KAZN: variants seen among roughly 807,000 people sequenced by gnomAD.
KAZN encodes kazrin, periplakin interacting protein, also known as kazrin.
In KAZN, 40 loss-of-function variants were observed where a neutral mutation model predicts 87.4. The observed-to-expected ratio is 0.46, with a 90% CI of 0.36 to 0.60. KAZN has a LOEUF of 0.60. Ranked by LOEUF, KAZN falls within the 20% of genes least tolerant of loss-of-function variation. The pLI, the probability that KAZN is intolerant of heterozygous loss-of-function variation, is 0.00. For missense variants in KAZN, 898 were observed against 1,073.9 expected, an observed-to-expected ratio of 0.84 and a Z score of 2.29; for synonymous variants, 466 against 458.3, an observed-to-expected ratio of 1.02 and a Z score of -0.22.
chr1:14,270,013 G>T (rs1651792883), intron 2 of KAZN, among the ~76,000 whole-genome samples: 1 of 152,130 alleles, frequency 6.6e-6, no homozygotes, highest in South Asian at 2.1e-4. Context: ...CATAGTGCCT[G>T]CACCTGCTCC....
chr1:14,049,195 C>G (rs1187812274), intron 1 of KAZN, among the ~76,000 whole-genome samples: 1 of 152,112 alleles, frequency 6.6e-6, no homozygotes, highest in Non-Finnish European at 1.5e-5. Context: ...AACCATCATT[C>G]TCAGCAAACT....
chr1:14,423,587 T>C (rs1198356704), intron 2 of KAZN, among the ~76,000 whole-genome samples: 1 of 152,134 alleles, frequency 6.6e-6, no homozygotes, highest in Non-Finnish European at 1.5e-5. Context: ...GAGGATGCCA[T>C]GTATTGAGCA....
chr1:14,917,150 A>G (rs1467946443), intron 1 of KAZN, among the ~76,000 whole-genome samples: 1 of 152,174 alleles, frequency 6.6e-6, no homozygotes, highest in African/African-American at 2.4e-5. Context: ...GAGCCCATGA[A>G]AGGCCCACAG....
At chr1:15,100,094 T>TCA in intron 10 of KAZN, among the ~76,000 whole-genome samples, 1 of 152,138 alleles carries the variant, frequency 6.6e-6, no homozygotes, top group African/African-American at 2.4e-5. Flanking sequence ...AGCTCAGAGC[T>TCA]TAGCTGCTCA....
chr1:14,229,980 C>T (rs763070129), intron 2 of KAZN, among the ~76,000 whole-genome samples: 1 of 152,240 alleles, frequency 6.6e-6, no homozygotes, highest in Non-Finnish European at 1.5e-5. Flanking sequence ...GACCCACGTT[C>T]TCCGAGAGAA....
At chr1:14,267,193 A>C (rs556240270) in intron 2 of KAZN, among the ~76,000 whole-genome samples, 233 of 152,106 alleles carry the variant, frequency 1.5e-3, no homozygotes, top group Non-Finnish European at 2.6e-3. Context: ...AATTTTAAAA[A>C]TACAGTGTAA....
intron 2 of KAZN, among the ~76,000 whole-genome samples, chr1:14,367,747 C>T (rs1165991862): frequency 6.6e-6 from 1 of 152,112 alleles, no homozygotes; most frequent in Non-Finnish European, 1.5e-5. Context: ...TGTTGTCCAG[C>T]GGTGTTGCGT....
chr1:14,984,963 T>C lies in KAZN; in HGVS notation c.418+24088T>C, dbSNP rs569002924. ...CCAGCCTGGCCAATATGATGAAACCTCGTCTCTACTACAAATACAAAAATT... is the reference window on the plus strand; with the variant it reads ...CCAGCCTGGCCAATATGATGAAACCCCGTCTCTACTACAAATACAAAAATT... On this transcript the variant is annotated intron_variant, in intron 2 of 14. Coordinates refer to ENST00000376030, the MANE Select transcript of KAZN (RefSeq NM_201628.3). 6.6e-5 allele frequency among the ~76,000 whole-genome samples: 10 copies of C among 151,644 alleles called. 1 individual carries two copies. In the South Asian group the frequency reaches 1.9e-3, roughly 28 times the overall value.
At chr1:14,544,684 A>G (rs923581504) in intron 2 of KAZN, among the ~76,000 whole-genome samples, 2 of 151,560 alleles carry the variant, frequency 1.3e-5, no homozygotes, top group African/African-American at 4.9e-5. Context: ...TATTTATGCC[A>G]CATTATTAAG....
intron 4 of KAZN, among the ~76,000 whole-genome samples, chr1:15,055,888 G>T (rs935833075): frequency 6.6e-6 from 1 of 152,232 alleles, no homozygotes; most frequent in East Asian, 1.9e-4. Flanking sequence ...GCCTCCAGCT[G>T]TCTAATGGGG....
intron 1 of KAZN, among the ~76,000 whole-genome samples, chr1:14,162,459 TC>T (rs1452788180): frequency 6.6e-6 from 1 of 152,174 alleles, no homozygotes; most frequent in Non-Finnish European, 1.5e-5. Context: ...ACTGTATTGT[TC>T]TTTGAGGCAC....
intron 1 of KAZN, among the ~76,000 whole-genome samples, chr1:14,673,656 G>A (rs1640049516): frequency 6.6e-6 from 1 of 152,194 alleles, no homozygotes. Flanking sequence ...GATGCAGGCT[G>A]TGGAAACAGG....
rs375153912 is a variant in KAZN, at chr1:14,464,971, A to G, written c.250-134012A>G. 6.7e-4 allele frequency among the ~76,000 whole-genome samples: 102 copies of G among 152,192 alleles called. No individual in the cohort carries two copies. The South Asian group carries it at 0.021, about 31-fold the overall frequency. On this transcript the variant is annotated intron_variant, in intron 2 of 16. Transcript: ENST00000636203. Reference sequence around the variant, plus strand: ...ACTTCACATAACCAGTGTTTATTATATTACATCTCCTGATTTTGTGAGTCA... The same window carrying G: ...ACTTCACATAACCAGTGTTTATTATGTTACATCTCCTGATTTTGTGAGTCA...
intron 2 of KAZN, among the ~76,000 whole-genome samples, chr1:14,392,359 G>A (rs1361793059): frequency 2.0e-5 from 3 of 152,132 alleles, no homozygotes; most frequent in African/African-American, 2.4e-5. Context: ...AATAGGGAGC[G>A]ACTGAGTGGT....
chr1:14,664,685 G>T (rs562470815), intron 1 of KAZN, among the ~76,000 whole-genome samples: 2 of 142,508 alleles, frequency 1.4e-5, no homozygotes, highest in African/African-American at 5.3e-5. Context: ...ACAGAGTCTC[G>T]CTCTGTCACC....
intron 2 of KAZN, among the ~76,000 whole-genome samples, chr1:14,209,710 A>G (rs1646814336): frequency 6.6e-6 from 1 of 152,198 alleles, no homozygotes; most frequent in African/African-American, 2.4e-5. Context: ...ATAACAGTTC[A>G]TGTATTTATA....
At chr1:13,981,028 A>C (rs1638638184) in intron 1 of KAZN, among the ~76,000 whole-genome samples, 1 of 141,110 alleles carries the variant, frequency 7.1e-6, no homozygotes, top group African/African-American at 2.6e-5. Flanking sequence ...TTTTTGACAA[A>C]GGTGACATTA....
intron 1 of KAZN, among the ~76,000 whole-genome samples, chr1:14,945,646 G>C (rs1015851867): frequency 3.9e-5 from 6 of 152,224 alleles, no homozygotes; most frequent in African/African-American, 1.4e-4. Flanking sequence ...ATTTAGAAAG[G>C]CAGCCCTGCC....
intron 2 of KAZN, among the ~76,000 whole-genome samples, chr1:14,216,345 G>A (rs1157141911): frequency 6.6e-6 from 1 of 152,184 alleles, no homozygotes; most frequent in Non-Finnish European, 1.5e-5. Flanking sequence ...GAGTGGAATG[G>A]TCTGGGTTTC....
Sources: allele counts gnomAD v4.1 joint callset (sites outside exome capture counted in the v4.1 genomes callset), GRCh38; gene constraint gnomAD v4.1.1; transcripts MANE v1.5; gene names NCBI Gene and HGNC (gene_info 2026-07-23, HGNC 2026-07-21).